The following INTS1 variants were observed in gnomAD, a reference collection of about 807,000 sequenced individuals.
INTS1 encodes integrator complex subunit 1.
In INTS1, 137 loss-of-function variants were observed where a neutral mutation model predicts 241.6. The ratio of observed to expected loss-of-function variants is 0.57; its 90% CI spans 0.49 to 0.65. The LOEUF is 0.65. INTS1 is among the 30% of genes least tolerant of loss of function. The pLI, the probability that INTS1 is intolerant of heterozygous loss-of-function variation, is 0.00. For missense variants in INTS1, 3,073 were observed against 3,032.2 expected, an observed-to-expected ratio of 1.01 and a Z score of -0.32; for synonymous variants, 1,692 against 1,337.8, an observed-to-expected ratio of 1.26 and a Z score of -5.78.
At chr7:1,482,831 G>A (rs1032566259) in intron 26 of INTS1, 124 bp from the exon 27 acceptor site, 28 of 1,164,642 alleles carry the variant, frequency 2.4e-5, no homozygotes, top group African/African-American at 3.1e-5. Context: ...GGAGGAGCAC[G>A]GGGCTCCTGT....
At chr7:1,484,549 GAGA>G (rs552712324) in intron 24 of INTS1, among the ~76,000 whole-genome samples, 7 of 152,246 alleles carry the variant, frequency 4.6e-5, no homozygotes, top group African/African-American at 1.4e-4. Context: ...CAGCCCAGCA[GAGA>G]AGGACAGCAC....
At chr7:1,480,812 C>A (rs764023166) in intron 29 of INTS1, 23 bp downstream of exon 29, 1 of 1,528,446 alleles carries the variant, frequency 6.5e-7, no homozygotes, top group South Asian at 1.2e-5. Context: ...GGTCTCTGTG[C>A]TGGCCCCACC....
chr7:1,471,993 C>T (rs1258787202), intron 44 of INTS1, among the ~76,000 whole-genome samples: 3 of 152,326 alleles, frequency 2.0e-5, no homozygotes, highest in Non-Finnish European at 2.9e-5. Flanking sequence ...CTTGCCCACC[C>T]GCCTGACCTC....
At chr7:1,477,311 C>T (rs1037438079) in intron 35 of INTS1, among the ~76,000 whole-genome samples, 1 of 145,410 alleles carries the variant, frequency 6.9e-6, no homozygotes, top group African/African-American at 2.5e-5. Context: ...CCCACCCCAT[C>T]CCCACATCTG....
In INTS1 at chr7:1,485,334, G is replaced by C. The variant is rs201645344; in HGVS notation, c.3112C>G (p.Leu1038Val). The C allele has an allele frequency of 1.2e-6, 2 of 1,611,516 alleles. No individual in the cohort carries two copies. The highest frequency in any genetic ancestry group is 1.7e-6 in the Non-Finnish European group (2 of 1,179,754). ...GTGGTGCTCCTGACGCTGTCGAACA[G>C]AGGCAGGCGAGGCAGGTCCCGCAGC... is the stretch of plus-strand genomic sequence containing the variant. The part of the protein sequence containing the change: ...WLLRDLPRLP[L>V]FDSVRSTTAL... Residue 1038 changes from leucine to valine, a missense_variant, in exon 23 of 48, where the codon CTG becomes GTG. Physicochemically the swap from Leu to Val is conservative, Grantham distance 32 (BLOSUM62 1). Transcript: ENST00000404767.
At chr7:1,500,059 G>A (rs1273435277) in intron 4 of INTS1, 38 bp from the exon 5 acceptor site, 3 of 1,605,496 alleles carry the variant, frequency 1.9e-6, no homozygotes, top group Middle Eastern at 1.7e-4. Context: ...GAGCTTCGCT[G>A]GCCCCAGAGG....
Position 1,487,780 on chromosome 7 carries a change from C to T in INTS1, c.2496G>A (p.Gln832=), listed in dbSNP as rs1416881435. ...CGTACTGGGGGTCCAGGCTGGTGAGCTGCGACAGGAGGAGGCTGCTGCTCT... is the reference window on the plus strand; with the variant it reads ...CGTACTGGGGGTCCAGGCTGGTGAGTTGCGACAGGAGGAGGCTGCTGCTCT... The part of the protein sequence containing the change: ...ITESSSLLLS[Q]LTSLDPQGPP... The change falls in exon 19 of 48, where the codon CAG becomes CAA. Residue 832 remains glutamine (Q), a synonymous_variant. Coordinates refer to ENST00000404767, the MANE Select transcript of INTS1 (RefSeq NM_001080453.3). The T allele has an allele frequency of 2.5e-6, 4 of 1,609,464 alleles. No homozygotes were observed. In the African/African-American group the frequency reaches 4.0e-5, roughly 16 times the overall value.
rs760097740 is a variant in INTS1 at position 1,474,156 on chromosome 7, G to T, written c.5829+12C>A. The T allele has an allele frequency of 6.5e-7, 1 of 1,548,236 alleles. No individual in the cohort carries two copies. The highest frequency in any genetic ancestry group is 8.7e-7 in the Non-Finnish European group (1 of 1,150,044). On this transcript the variant is annotated intron_variant, in intron 41 of 47. Coordinates refer to ENST00000404767, the MANE Select transcript of INTS1 (RefSeq NM_001080453.3). ...GGAAGGGAGCGCGAGGGCGGGCGGC[G>T]GGAGCACACACCAGCAGCAGGCGGA... is the stretch of plus-strand genomic sequence containing the variant.
At chr7:1,472,193 A>C (rs1781502016) in intron 44 of INTS1, 80 bp downstream of exon 44, 1 of 1,106,150 alleles carries the variant, frequency 9.0e-7, no homozygotes, top group East Asian at 2.6e-5. Context: ...GTCAGTGCCC[A>C]AATGGCTACT....
chr7:1,487,103 TG>T lies in INTS1; in HGVS notation c.2647-3del. On this transcript the variant is annotated splice_region_variant and splice_polypyrimidine_tract_variant and intron_variant, in intron 20 of 47. Coordinates refer to ENST00000404767, the MANE Select transcript of INTS1 (RefSeq NM_001080453.3). ...CCAGGGCATGGACTGCGAGGAGGCC[TG>T]GGCAGGCGACAGTGGCGCCCGCTCA... The T allele has an allele frequency of 1.3e-6, 2 of 1,543,872 alleles. No homozygotes were observed. Among genetic ancestry groups the T allele is most frequent in the South Asian group, 1.2e-5 (1 of 84,366 alleles).
At chr7:1,473,421 C>G in intron 42 of INTS1, 145 bp downstream of exon 42, 8 of 1,098,482 alleles carry the variant, frequency 7.3e-6, no homozygotes, top group Non-Finnish European at 1.0e-5. Context: ...CCTCTGCGCC[C>G]TGGGATGAGC....
intron 22 of INTS1, 177 bp from the exon 23 acceptor site, chr7:1,485,646 G>A: frequency 1.5e-6 from 1 of 659,694 alleles, no homozygotes; most frequent in Non-Finnish European, 2.5e-6. Context: ...TCTGTTAAAT[G>A]CTTCTGTTCA....
chr7:1,495,009 C>G, intron 13 of INTS1, 116 bp from the exon 14 acceptor site: 1 of 1,228,114 alleles, frequency 8.1e-7, no homozygotes, highest in African/African-American at 1.5e-5. Flanking sequence ...GCCGGGCTGC[C>G]TGGTGCCCAA....
chr7:1,478,658 C>T, intron 32 of INTS1, 68 bp downstream of exon 32: 2 of 1,492,428 alleles, frequency 1.3e-6, no homozygotes, highest in Admixed American at 2.1e-5. Flanking sequence ...TGCCAGGCAG[C>T]TTGGCCACTC....
At chr7:1,473,220 C>T (rs375538791) in intron 42 of INTS1, 36 bp from the exon 43 acceptor site, 30 of 1,486,302 alleles carry the variant, frequency 2.0e-5, no homozygotes, top group Middle Eastern at 3.4e-4. Context: ...GGGAGGAAGA[C>T]GCTGGCAGGA....
At chr7:1,496,727 C>T (rs1019817242) in intron 11 of INTS1, among the ~76,000 whole-genome samples, 1 of 152,174 alleles carries the variant, frequency 6.6e-6, no homozygotes, top group Non-Finnish European at 1.5e-5. Context: ...GGCAGGCTGG[C>T]TGCGAGTTGG....
At chr7:1,494,189 G>A (rs756099616) in intron 14 of INTS1, among the ~76,000 whole-genome samples, 14 of 152,336 alleles carry the variant, frequency 9.2e-5, no homozygotes, top group Admixed American at 2.0e-4. Context: ...ACCACCACAC[G>A]GAGACTCTGC....
intron 19 of INTS1, 23 bp from the exon 20 acceptor site, chr7:1,487,472 T>C (rs774392867): frequency 1.2e-6 from 2 of 1,606,906 alleles, no homozygotes; most frequent in East Asian, 4.5e-5. Flanking sequence ...GGGGACACGG[T>C]GCGTCAGCAC....
In INTS1 at chr7:1,484,082, A is replaced by C. The variant is rs1460693676; in HGVS notation, c.3350T>G (p.Leu1117Arg). The change falls in exon 25 of 48, where the codon CTG (leucine) becomes CGG (arginine). Residue 1117 changes from leucine to arginine, a missense_variant. By Grantham distance (102) the Leu-to-Arg change is moderately radical. Coordinates refer to ENST00000404767, the MANE Select transcript of INTS1 (RefSeq NM_001080453.3). ...LSPSAASDAV[L>R]SALLSIFSRY... is the part of the protein sequence containing the mutation. ...TGAGAAGATGGACAACAGAGCGCTC[A>C]GCACGGCGTCCGACGCGGCACTCGG... The C allele has an allele frequency of 1.2e-6, 2 of 1,612,606 alleles. No homozygotes were observed. The highest frequency in any genetic ancestry group is 4.5e-5 in the East Asian group (2 of 44,870).
Sources: gnomAD v4.1 joint callset for allele counts (sites outside exome capture counted in the v4.1 genomes callset) on GRCh38, gnomAD v4.1.1 for gene constraint, MANE v1.5 for transcripts, NCBI Gene and HGNC (gene_info 2026-07-23, HGNC 2026-07-21) for gene names.